Variants in MAL observed in about 807,000 individuals in gnomAD.
MAL encodes myelin and lymphocyte protein.
A neutral mutation model predicts 16.7 loss-of-function variants in MAL; 5 were observed. The ratio of observed to expected loss-of-function variants is 0.30; its 90% CI spans 0.16 to 0.63. The LOEUF (loss-of-function observed/expected upper bound fraction) is 0.63, where lower values mean the gene tolerates loss of function less well. Ranked by LOEUF, MAL falls within the 30% of genes least tolerant of loss-of-function variation. The pLI, the probability that MAL is intolerant of heterozygous loss-of-function variation, is 0.82. For missense variants in MAL, 202 were observed against 195.8 expected (o/e 1.03, Z -0.19); for synonymous variants, 96 against 85.5 (o/e 1.12, Z -0.67).
intron 1 of MAL, among the ~76,000 whole-genome samples, chr2:95,030,434 C>CTCTCTG (rs1264991520): frequency 2.0e-5 from 3 of 152,232 alleles, no homozygotes; most frequent in Non-Finnish European, 4.4e-5. Context: ...TTTGGAGCCA[C>CTCTCTG]TCTCTGTCTC....
At chr2:95,041,168 A>T (rs1248041001) in intron 1 of MAL, among the ~76,000 whole-genome samples, 1 of 152,202 alleles carries the variant, frequency 6.6e-6, no homozygotes, top group East Asian at 1.9e-4. Flanking sequence ...ACTGTGGATG[A>T]AGAGTTCTTT....
chr2:95,034,210 C>T (rs975251361), intron 1 of MAL, among the ~76,000 whole-genome samples: 2 of 152,176 alleles, frequency 1.3e-5, no homozygotes, highest in African/African-American at 4.8e-5. Context: ...GAGTCCTGCA[C>T]AGACACCACC....
At chr2:95,039,760 T>C (rs1334042200) in intron 1 of MAL, among the ~76,000 whole-genome samples, 4 of 151,722 alleles carry the variant, frequency 2.6e-5, no homozygotes, top group Non-Finnish European at 5.9e-5. Context: ...AGCGAGTGAG[T>C]GACTGAGTGA....
rs564261810 is a variant in MAL, at chr2:95,052,865, A to C, written c.388-516A>C. Among the ~76,000 whole-genome samples, 4 of 152,278 alleles carry C rather than the reference A, an allele frequency of 2.6e-5. No homozygotes were observed. The South Asian group carries it at 6.2e-4, about 24-fold the overall frequency. On this transcript the variant is annotated intron_variant, in intron 3 of 3. Transcript: ENST00000309988. ...TCTGGCTCTCTCAGCCACACCTGTGATATTAAGAATCCTAAAACAAAATAA... is the reference window on the plus strand; with the variant it reads ...TCTGGCTCTCTCAGCCACACCTGTGCTATTAAGAATCCTAAAACAAAATAA...
chr2:95,038,592 G>GTGACTGAGTGGGTGAGTGAC, intron 1 of MAL, among the ~76,000 whole-genome samples: 1 of 150,982 alleles, frequency 6.6e-6, no homozygotes, highest in South Asian at 2.1e-4. Context: ...GAGTGACTGA[G>GTGACTGAGTGGGTGAGTGAC]TGACTGAGTG....
chr2:95,053,450 T>C lies in MAL; in HGVS notation c.457T>C (p.Ser153Pro). The C allele has an allele frequency of 6.2e-7, 1 of 1,612,338 alleles. No individual in the cohort carries two copies. Among genetic ancestry groups the C allele is most frequent in the Non-Finnish European group, 8.5e-7 (1 of 1,178,426 alleles). Residue 153 changes from serine to proline, a missense_variant, in exon 4 of 4, where the codon TCA becomes CCA. Transcript: ENST00000309988. Reference protein sequence around the residue: ...AVFSLIRWKSS With the variant: ...AVFSLIRWKSP Reference sequence around the variant, plus strand: ...GTTCTCTTTAATCAGATGGAAGTCTTCATAAAGCCGCAGTAGAACTTGAGC... The same window carrying C: ...GTTCTCTTTAATCAGATGGAAGTCTCCATAAAGCCGCAGTAGAACTTGAGC...
rs950172646 is a variant in MAL at position 95,036,079 on chromosome 2, G to T, written c.93+10194G>T. 3.9e-5 allele frequency among the ~76,000 whole-genome samples: 6 copies of T among 152,198 alleles called. No individual in the cohort carries two copies. The South Asian group carries it at 1.2e-3, about 31-fold the overall frequency. On this transcript the variant is annotated intron_variant, in intron 1 of 3. Coordinates refer to ENST00000309988, the MANE Select transcript of MAL (RefSeq NM_002371.4). Reference sequence around the variant, plus strand: ...GATTAGATAAGGAACACTGTCTAAGGCTAGCTGGGGGTGATGATGGCATGA... The same window carrying T: ...GATTAGATAAGGAACACTGTCTAAGTCTAGCTGGGGGTGATGATGGCATGA...
chr2:95,039,709 T>G (rs1210780201), intron 1 of MAL, among the ~76,000 whole-genome samples: 1 of 128,514 alleles, frequency 7.8e-6, no homozygotes, highest in Non-Finnish European at 1.6e-5. Context: ...AGTGACTGAG[T>G]GAGGACTGAG....
intron 1 of MAL, among the ~76,000 whole-genome samples, chr2:95,038,514 G>GA (rs1674321255): frequency 2.7e-5 from 4 of 150,330 alleles, no homozygotes; most frequent in Admixed American, 6.6e-5. Flanking sequence ...GTGAGTGAGT[G>GA]GGTGAGTGAG....
At chr2:95,047,182 C>T (rs1573300352) in intron 1 of MAL, among the ~76,000 whole-genome samples, 3 of 152,090 alleles carry the variant, frequency 2.0e-5, no homozygotes, top group Non-Finnish European at 4.4e-5. Flanking sequence ...AGTAGGAGGG[C>T]TAGAATATCA....
At chr2:95,037,942 A>AGTGAGTGAGTGAGTG (rs1674288172) in intron 1 of MAL, among the ~76,000 whole-genome samples, 1 of 30,932 alleles carries the variant, frequency 3.2e-5, no homozygotes, top group Admixed American at 3.0e-4. Flanking sequence ...GTGAGTGAGT[A>AGTGAGTGAGTGAGTG]ACTGAGTGAG....
At chr2:95,042,916 G>T (rs760990975) in intron 1 of MAL, among the ~76,000 whole-genome samples, 1 of 152,336 alleles carries the variant, frequency 6.6e-6, no homozygotes, top group Non-Finnish European at 1.5e-5. Context: ...TACTCTGTTT[G>T]CTCTCTGTAC....
At chr2:95,035,957 C>A (rs540143916) in intron 1 of MAL, among the ~76,000 whole-genome samples, 10 of 152,326 alleles carry the variant, frequency 6.6e-5, no homozygotes, top group African/African-American at 2.4e-4. Context: ...GCGTGAGCCA[C>A]CGTGCCCAGC....
intron 1 of MAL, among the ~76,000 whole-genome samples, chr2:95,037,242 T>C (rs1426035502): frequency 6.6e-6 from 1 of 150,764 alleles, no homozygotes; most frequent in Admixed American, 6.6e-5. Flanking sequence ...AGTGAGTGAC[T>C]GAGTGAGTGA....
intron 1 of MAL, among the ~76,000 whole-genome samples, chr2:95,045,669 G>C (rs1187469324): frequency 1.3e-5 from 2 of 152,196 alleles, no homozygotes; most frequent in Non-Finnish European, 2.9e-5. Context: ...AGGCACTTAG[G>C]AGAGGGGTTC....
intron 1 of MAL, among the ~76,000 whole-genome samples, chr2:95,029,326 T>C (rs1328423019): frequency 6.6e-6 from 1 of 152,252 alleles, no homozygotes; most frequent in Non-Finnish European, 1.5e-5. Context: ...GGTTAGACTT[T>C]TACTGCACAC....
intron 1 of MAL, among the ~76,000 whole-genome samples, chr2:95,040,175 G>A (rs924919332): frequency 6.7e-6 from 1 of 150,062 alleles, no homozygotes; most frequent in Non-Finnish European, 1.5e-5. Context: ...GCATGCACGT[G>A]CACACACATA....
intron 1 of MAL, among the ~76,000 whole-genome samples, chr2:95,030,965 C>T (rs1005897385): frequency 1.3e-5 from 2 of 152,168 alleles, no homozygotes; most frequent in Admixed American, 6.5e-5. Flanking sequence ...ATAGCCAGCC[C>T]GACAGAGCCG....
At chr2:95,043,225 CA>C (rs781406583) in intron 1 of MAL, among the ~76,000 whole-genome samples, 130 of 152,372 alleles carry the variant, frequency 8.5e-4, no homozygotes, top group Non-Finnish European at 1.4e-3. Context: ...TGCACCTGTC[CA>C]GGCTGCTCTG....
Sources: allele counts gnomAD v4.1 joint callset (sites outside exome capture counted in the v4.1 genomes callset), GRCh38; gene constraint gnomAD v4.1.1; transcripts MANE v1.5; gene names NCBI Gene and HGNC (gene_info 2026-07-23, HGNC 2026-07-21).